The following CUBN variants were observed in gnomAD, a reference collection of about 807,000 sequenced individuals.
CUBN encodes 460 kDa receptor.
A neutral mutation model predicts 405.3 loss-of-function variants in CUBN; 282 were observed. The ratio of observed to expected loss-of-function variants is 0.70; its 90% CI spans 0.63 to 0.77. CUBN has a LOEUF of 0.77. CUBN is among the 30% of genes least tolerant of loss of function. CUBN has a pLI of 0.00. For synonymous variants in CUBN, 1,684 were observed against 1,617.0 expected (o/e 1.04, Z -0.99); for missense variants, 4,514 against 4,475.2 (o/e 1.01, Z -0.25).
chr10:16,900,807 G>A lies in CUBN; in HGVS notation c.8228C>T (p.Ala2743Val). Residue 2743 changes from alanine (A) to valine (V), a missense_variant, in exon 53 of 67, where the codon GCT (alanine) becomes GTT (valine). Physicochemically the swap from Ala to Val is moderately conservative, Grantham distance 64. Coordinates refer to ENST00000377833, the MANE Select transcript of CUBN (RefSeq NM_001081.4). Reference sequence around the variant, plus strand: ...ATTCCTGACAGTGACAGAGTCCCAAGCACAAGTTGTATGGGGTTCAATATC... The same window carrying A: ...ATTCCTGACAGTGACAGAGTCCCAAACACAAGTTGTATGGGGTTCAATATC... ...DFDIEPHTTC[A>V]WDSVTVRNGG... is the part of the protein sequence containing the mutation. The A allele has an allele frequency of 6.2e-7, 1 of 1,614,050 alleles. No homozygotes were observed. The highest frequency in any genetic ancestry group is 2.2e-5 in the East Asian group (1 of 44,870).
Position 16,876,972 on chromosome 10 carries a change from C to T in CUBN, c.9031G>A (p.Gly3011Arg), listed in dbSNP as rs1027938100. ...DEMPAPLTIA[G>R]PVLLNFYSNE... ...GAGTAGAAGTTAAGCAGAACCGGCC[C>T]AGCGATGGTGAGGGGAGCTGGCATC... The change falls in exon 57 of 67, where the codon GGG becomes AGG. Residue 3011 changes from glycine (G) to arginine (R), a missense_variant. Physicochemically the swap from Gly to Arg is moderately radical, Grantham distance 125 (BLOSUM62 -2). Coordinates refer to ENST00000377833, the MANE Select transcript of CUBN (RefSeq NM_001081.4). 1.2e-6 allele frequency: 2 copies of T among 1,614,130 alleles called. No individual in the cohort carries two copies. Among genetic ancestry groups the T allele is most frequent in the South Asian group, 2.2e-5 (2 of 91,074 alleles).
At chr10:17,068,833 T>A (rs1215337943) in intron 19 of CUBN, 63 bp from the exon 20 acceptor site, 2 of 1,261,824 alleles carry the variant, frequency 1.6e-6, no homozygotes, top group Admixed American at 1.8e-5. Context: ...GCTTCAAGAA[T>A]AATTATTTCT....
intron 58 of CUBN, among the ~76,000 whole-genome samples, chr10:16,872,423 C>T (rs1372628008): frequency 6.6e-6 from 1 of 150,842 alleles, no homozygotes; most frequent in Non-Finnish European, 1.5e-5. Flanking sequence ...GGTATGTATA[C>T]CATGGTTGGA....
chr10:16,908,794 A>T (rs899288900), intron 48 of CUBN, among the ~76,000 whole-genome samples: 18 of 151,918 alleles, frequency 1.2e-4, no homozygotes, highest in Non-Finnish European at 2.4e-4. Flanking sequence ...ATGACTCAAG[A>T]TTAGAAATAA....
At chr10:16,909,205 T>G (rs1841651805) in intron 48 of CUBN, among the ~76,000 whole-genome samples, 1 of 152,160 alleles carries the variant, frequency 6.6e-6, no homozygotes, top group Non-Finnish European at 1.5e-5. Context: ...CTCTTTAAAT[T>G]TACTATAATT....
chr10:16,892,230 G>A (rs1434673995), intron 54 of CUBN, among the ~76,000 whole-genome samples: 1 of 152,094 alleles, frequency 6.6e-6, no homozygotes, highest in African/African-American at 2.4e-5. Context: ...TCCTACTGAA[G>A]ACAAATTATA....
chr10:16,910,570 T>C (rs569366812), intron 48 of CUBN, among the ~76,000 whole-genome samples: 28 of 152,158 alleles, frequency 1.8e-4, no homozygotes, highest in Non-Finnish European at 3.5e-4. Context: ...GGCCCCCTCA[T>C]GCATACAGAG....
intron 8 of CUBN, among the ~76,000 whole-genome samples, chr10:17,113,658 G>A (rs962248396): frequency 1.1e-4 from 16 of 152,146 alleles, no homozygotes; most frequent in Admixed American, 2.0e-4. Context: ...AGACTGTGGT[G>A]GAGATGCAAA....
intron 31 of CUBN, among the ~76,000 whole-genome samples, chr10:16,977,014 T>C (rs3012499): frequency 0.87 from 132,835 of 152,180 alleles, 58,900 homozygotes; most frequent in Non-Finnish European, 0.96. Flanking sequence ...CACAGTTGTA[T>C]AGCAAGTGTG....
Position 16,954,627 on chromosome 10 carries a change from C to G in CUBN, c.4696-79G>C. The G allele has an allele frequency of 2.1e-6, 3 of 1,451,516 alleles. 1 individual carries two copies. In the South Asian group the frequency reaches 3.5e-5, roughly 17 times the overall value. The allele number at this position is 1,451,516 out of a possible 1,614,324, so 89.9% of individuals were successfully genotyped here. A position where few individuals can be genotyped will look rare whatever the true frequency, so the allele number is the denominator to read the frequency against. On this transcript the variant is annotated intron_variant, in intron 31 of 66. Transcript: ENST00000377833. The stretch of plus-strand genomic sequence containing the variant: ...TGTATTCCACGAACTGTCTGCACGC[C>G]GATATACTAGTGGATAATCACACGT...
chr10:17,123,294 T>G (rs1837089135), intron 5 of CUBN: 1 of 492,370 alleles, frequency 2.0e-6, no homozygotes, highest in South Asian at 2.3e-5. Flanking sequence ...TCAAGATTTG[T>G]TTGGTACTTT....
chr10:16,874,501 A>C lies in CUBN; in HGVS notation c.9109T>G (p.Cys3037Gly). Reference sequence around the variant, plus strand: ...GAAGAGAAATTGAACACACCACCACAGGCTGCAACAGAAGACAAGGGAATA... The same window carrying C: ...GAAGAGAAATTGAACACACCACCACCGGCTGCAACAGAAGACAAGGGAATA... The part of the protein sequence containing the change: ...GFKFSYRIIS[C>G]GGVFNFSSGI... The change falls in exon 58 of 67, where the codon TGT becomes GGT. Residue 3037 changes from cysteine (C) to glycine (G), a missense_variant and splice_region_variant. Physicochemically the swap from Cys to Gly is radical, Grantham distance 159. Transcript: ENST00000377833. 1 of 1,614,172 alleles carries C rather than the reference A, an allele frequency of 6.2e-7. No individual in the cohort carries two copies.
chr10:17,026,642 AT>A (rs112147071), intron 27 of CUBN, among the ~76,000 whole-genome samples: 23,459 of 150,008 alleles, frequency 0.16, 1,965 homozygotes, highest in Middle Eastern at 0.23. Context: ...AAAAAAAAAA[AT>A]AAATAAATAA....
At chr10:17,129,608 A>T (rs199717081) in intron 1 of CUBN, 36 bp downstream of exon 1, 1 of 1,613,892 alleles carries the variant, frequency 6.2e-7, no homozygotes, top group African/African-American at 1.3e-5. Context: ...GAATTAGCCT[A>T]GTCCCTGAGC....
At chr10:16,920,294 A>C (rs1408746022) in intron 43 of CUBN, among the ~76,000 whole-genome samples, 157 bp from the exon 44 acceptor site, 1 of 152,122 alleles carries the variant, frequency 6.6e-6, no homozygotes, top group African/African-American at 2.4e-5. Context: ...CAAATTCTCA[A>C]TTTGCTATCG....
intron 31 of CUBN, among the ~76,000 whole-genome samples, chr10:16,977,195 C>A (rs1833124624): frequency 6.6e-6 from 1 of 152,122 alleles, no homozygotes; most frequent in Non-Finnish European, 1.5e-5. Flanking sequence ...GGCAGTTCCC[C>A]AGCAAAGGCC....
chr10:17,041,551 G>C (rs1308064491), intron 26 of CUBN, among the ~76,000 whole-genome samples: 1 of 151,966 alleles, frequency 6.6e-6, no homozygotes, highest in Non-Finnish European at 1.5e-5. Context: ...GAATAACTTG[G>C]TTATATTCAG....
chr10:17,081,162 G>T (rs1835957685), intron 17 of CUBN, among the ~76,000 whole-genome samples: 1 of 152,152 alleles, frequency 6.6e-6, no homozygotes, highest in Non-Finnish European at 1.5e-5. Flanking sequence ...GCAAAAGTAA[G>T]TCTTTCAAAA....
In CUBN at chr10:16,954,569, C is replaced by A. The variant is rs368146546; in HGVS notation, c.4696-21G>T. ...TATGCCTACAAGAAAGGAGACAGGG[C>A]AAACAGTGGTTCAGATTCACATCTA... is the stretch of plus-strand genomic sequence containing the variant. On this transcript the variant is annotated intron_variant, in intron 31 of 66. Transcript: ENST00000377833. The A allele has an allele frequency of 6.2e-6, 10 of 1,612,226 alleles. No individual in the cohort carries two copies. In the African/African-American group the frequency reaches 1.3e-4, roughly 22 times the overall value.
Sources: gnomAD v4.1 joint callset for allele counts (sites outside exome capture counted in the v4.1 genomes callset) on GRCh38, gnomAD v4.1.1 for gene constraint, MANE v1.5 for transcripts, NCBI Gene and HGNC (gene_info 2026-07-23, HGNC 2026-07-21) for gene names.